POLR3C: variants seen among roughly 807,000 people sequenced by gnomAD.
POLR3C encodes DNA-directed RNA polymerase III subunit RPC3.
A neutral mutation model predicts 65.9 loss-of-function variants in POLR3C; 44 were observed. The observed-to-expected ratio is 0.67, with a 90% CI of 0.52 to 0.86. POLR3C has a LOEUF of 0.86. POLR3C is among the 40% of genes least tolerant of loss of function. POLR3C has a pLI of 0.00. For missense variants in POLR3C, 576 were observed against 653.2 expected (o/e 0.88, Z 1.29); for synonymous variants, 263 against 231.6 (o/e 1.14, Z -1.23).
In POLR3C at chr1:145,842,833, G is replaced by A. The variant is rs977229107; in HGVS notation, c.*413G>A. Among the ~76,000 whole-genome samples the A allele has an allele frequency of 2.5e-4, 25 of 98,968 alleles. No homozygotes were observed. The highest frequency in any genetic ancestry group is 4.2e-5 in the Non-Finnish European group (2 of 47,252). 64.9% of individuals were successfully genotyped at this position (98,968 alleles called of 152,430 possible). On this transcript the variant is annotated 3_prime_UTR_variant, in exon 15 of 15. Transcript: ENST00000334163. ...TAGATAGATAATTTGTTGTTGTTGA[G>A]ACAGGATCTCACTCTGTCACTCAGG...
rs587703311 is a variant in POLR3C, at chr1:145,833,257, C to T, written c.679-3C>T. Reference sequence around the variant, plus strand: ...TAAATGTTTCTCTAAATCTTTTCCTCAGCCCATTCCAGATGATGGGATTTA... The same window carrying T: ...TAAATGTTTCTCTAAATCTTTTCCTTAGCCCATTCCAGATGATGGGATTTA... On this transcript the variant is annotated splice_region_variant and splice_polypyrimidine_tract_variant and intron_variant, in intron 5 of 14. Coordinates refer to ENST00000334163, the MANE Select transcript of POLR3C (RefSeq NM_006468.8). The T allele has an allele frequency of 1.3e-6, 2 of 1,573,486 alleles. No individual in the cohort carries two copies. Among genetic ancestry groups the T allele is most frequent in the South Asian group, 1.1e-5 (1 of 89,312 alleles).
intron 4 of POLR3C, among the ~76,000 whole-genome samples, chr1:145,828,054 C>T (rs1291391557): frequency 6.6e-6 from 1 of 152,068 alleles, no homozygotes; most frequent in African/African-American, 2.4e-5. Flanking sequence ...AGTGAGGTAA[C>T]AGGAAAAGCA....
rs782124155 is a variant in POLR3C at position 145,825,930 on chromosome 1, C to T, written c.147+7C>T. The T allele has an allele frequency of 6.3e-7, 1 of 1,593,262 alleles. No individual in the cohort carries two copies. The highest frequency in any genetic ancestry group is 8.6e-7 in the Non-Finnish European group (1 of 1,163,242). ...AGGAACATCACTGGATCAGGTATGT[C>T]TAAATGACATTCATTTTCTCTCATT... On this transcript the variant is annotated splice_region_variant and intron_variant, in intron 2 of 14. Transcript: ENST00000334163.
chr1:145,840,276 A>G, intron 13 of POLR3C, 111 bp downstream of exon 13: 2 of 729,538 alleles, frequency 2.7e-6, no homozygotes, highest in Non-Finnish European at 2.4e-6. Context: ...AGGGTGGCTC[A>G]TGCCTGTAAT....
intron 10 of POLR3C, 39 bp from the exon 11 acceptor site, chr1:145,838,017 T>G: frequency 6.2e-7 from 1 of 1,601,504 alleles, no homozygotes; most frequent in Non-Finnish European, 8.6e-7. Flanking sequence ...AAAGCTGATC[T>G]ATGTTAGCAT....
At chr1:145,838,280 A>G (rs1424036749) in intron 11 of POLR3C, 74 bp downstream of exon 11, 7 of 1,185,100 alleles carry the variant, frequency 5.9e-6, no homozygotes, top group Non-Finnish European at 8.7e-6. Flanking sequence ...TTAGGCAAAC[A>G]TACTGAACCC....
At chr1:145,831,205 G>A (rs768877608) in intron 5 of POLR3C, among the ~76,000 whole-genome samples, 1 of 152,168 alleles carries the variant, frequency 6.6e-6, no homozygotes, top group Non-Finnish European at 1.5e-5. Flanking sequence ...CTGAGTCTAT[G>A]CATCTGGAGC....
Position 145,840,137 on chromosome 1 carries a change from A to C in POLR3C, c.1345A>C (p.Arg449=), listed in dbSNP as rs782643152. The change falls in exon 13 of 15, where the codon AGG becomes CGG. Residue 449 remains arginine (R), a synonymous_variant. Transcript: ENST00000334163. ...CYKSIANLIE[R]RQFETKENKR... is the part of the protein sequence containing the mutation. ...TCAGAGCATAGCCAACTTGATAGAA[A>C]GGAGGCAATTTGAAACCAAAGAGAA... The C allele has an allele frequency of 1.9e-6, 3 of 1,605,654 alleles. 1 individual carries two copies. In the South Asian group the frequency reaches 3.3e-5, roughly 18 times the overall value.
intron 4 of POLR3C, 79 bp downstream of exon 4, chr1:145,827,084 T>G: frequency 8.8e-7 from 1 of 1,137,282 alleles, no homozygotes; most frequent in Admixed American, 2.2e-5. Context: ...TGAAATGTGA[T>G]TGTATTTACC....
At chr1:145,828,901 C>T in intron 5 of POLR3C, 64 bp downstream of exon 5, 3 of 860,970 alleles carry the variant, frequency 3.5e-6, no homozygotes, top group Non-Finnish European at 6.0e-6. Context: ...ACTCAGATAA[C>T]AAGCCCCAAG....
chr1:145,842,290 T>C (rs920463027), intron 14 of POLR3C, 49 bp from the exon 15 acceptor site: 4 of 1,144,354 alleles, frequency 3.5e-6, no homozygotes, highest in Non-Finnish European at 5.2e-6. Flanking sequence ...TAATCTTAAA[T>C]ATGCTAATGA....
chr1:145,827,141 A>G, intron 4 of POLR3C, 136 bp downstream of exon 4: 1 of 742,582 alleles, frequency 1.3e-6, no homozygotes, highest in African/African-American at 1.8e-5. Flanking sequence ...CAATGAAAAA[A>G]TCATGGTCTC....
At chr1:145,839,609 T>C (rs980678197) in intron 11 of POLR3C, 1 of 319,300 alleles carries the variant, frequency 3.1e-6, no homozygotes, top group Non-Finnish European at 5.8e-6. Flanking sequence ...GGTGCATGCC[T>C]GTAGTTCCGG....
chr1:145,829,390 T>G (rs1311658791), intron 5 of POLR3C, among the ~76,000 whole-genome samples: 1 of 152,172 alleles, frequency 6.6e-6, no homozygotes, highest in Non-Finnish European at 1.5e-5. Context: ...GTAAAACATA[T>G]CAGCCCAGTT....
At chr1:145,832,346 G>A (rs1270532502) in intron 5 of POLR3C, among the ~76,000 whole-genome samples, 1 of 152,148 alleles carries the variant, frequency 6.6e-6, no homozygotes, top group Non-Finnish European at 1.5e-5. Context: ...GAAGGCATAG[G>A]GTTGAAAGAG....
rs1553725634 is a variant in POLR3C at position 145,825,876 on chromosome 1, C to T, written c.100C>T (p.Gln34Ter). ...IGVHLIRTGS[Q>*]PLRVIAHDTG... ...AGTCCATCTGATAAGAACCGGCAGC[C>T]AGCCACTAAGAGTAATTGCCCATGA... Residue 34 changes from glutamine (Q) to a stop codon, truncating the protein, a stop_gained, in exon 2 of 15, where the codon CAG becomes TAG. Coordinates refer to ENST00000334163, the MANE Select transcript of POLR3C (RefSeq NM_006468.8). LOFTEE classifies it high-confidence loss of function. 6.2e-7 allele frequency: 1 copy of T among 1,613,682 alleles called. No individual in the cohort carries two copies. Among genetic ancestry groups the T allele is most frequent in the Admixed American group, 1.7e-5 (1 of 60,028 alleles).
In POLR3C at chr1:145,826,962, T is replaced by C. The variant is rs1244271647; in HGVS notation, c.546T>C (p.Ile182=). Reference sequence around the variant, plus strand: ...CACCACCTGCCCCCACACTTGTCATTAATGAAAAGGACATGTACCTGGTTC... The same window carrying C: ...CACCACCTGCCCCCACACTTGTCATCAATGAAAAGGACATGTACCTGGTTC... ...GPPPPAPTLV[I]NEKDMYLVPK... Residue 182 remains isoleucine (I), a synonymous_variant, in exon 4 of 15, where the codon ATT becomes ATC. Transcript: ENST00000334163. 48 of 1,612,680 alleles carry C rather than the reference T, an allele frequency of 3.0e-5. No individual in the cohort carries two copies. The highest frequency in any genetic ancestry group is 4.1e-5 in the Non-Finnish European group (48 of 1,179,688).
intron 4 of POLR3C, among the ~76,000 whole-genome samples, chr1:145,827,821 G>A (rs1394299977): frequency 1.3e-5 from 2 of 151,762 alleles, no homozygotes; most frequent in South Asian, 2.1e-4. Flanking sequence ...CCAGCTACTC[G>A]GGAGGCTGGG....
In POLR3C at chr1:145,825,806, T is replaced by A. The variant is rs782009420; in HGVS notation, c.30T>A (p.Ser10=). Residue 10 remains serine, a synonymous_variant, in exon 2 of 15, where the codon TCT becomes TCA. Coordinates refer to ENST00000334163, the MANE Select transcript of POLR3C (RefSeq NM_006468.8). The part of the protein sequence containing the change: MTQAEIKLC[S]LLLQEHFGEI... ...CTCAAGCAGAAATTAAGCTCTGTTC[T>A]TTGTTGCTGCAAGAGCATTTTGGAG... The A allele has an allele frequency of 3.1e-6, 5 of 1,613,592 alleles. No homozygotes were observed. Among genetic ancestry groups the A allele is most frequent in the Non-Finnish European group, 4.2e-6 (5 of 1,179,584 alleles).
Sources: allele counts gnomAD v4.1 joint callset (sites outside exome capture counted in the v4.1 genomes callset), GRCh38; gene constraint gnomAD v4.1.1; transcripts MANE v1.5; gene names NCBI Gene and HGNC (gene_info 2026-07-23, HGNC 2026-07-21).